KHDC1: variants seen among roughly 807,000 people sequenced by gnomAD.
The protein encoded by KHDC1 is KH domain containing 1.
A neutral mutation model predicts 24.7 loss-of-function variants in KHDC1; 21 were observed. The observed-to-expected ratio is 0.85, with a 90% CI of 0.60 to 1.23. The LOEUF is 1.23. Among genes scored for constraint, KHDC1 ranks in the 50% most tolerant of loss-of-function variants. The probability of loss-of-function intolerance (pLI) is 0.00; values close to 1 mark genes in which losing one functional copy is unlikely to be tolerated. For missense variants in KHDC1, 274 were observed against 298.5 expected, an observed-to-expected ratio of 0.92 and a Z score of 0.61; for synonymous variants, 98 against 111.7, an observed-to-expected ratio of 0.88 and a Z score of 0.77.
At chr6:73,243,949 G>C (rs913884868) in intron 2 of KHDC1, among the ~76,000 whole-genome samples, 1 of 152,092 alleles carries the variant, frequency 6.6e-6, no homozygotes, top group Non-Finnish European at 1.5e-5. Context: ...ATTTTGGACC[G>C]CCTTTTCTAG....
At chr6:73,294,404 CA>C (rs1021931467) in intron 1 of KHDC1, among the ~76,000 whole-genome samples, 1 of 151,968 alleles carries the variant, frequency 6.6e-6, no homozygotes. Context: ...ACATATTTAG[CA>C]CTTGATACAT....
chr6:73,279,479 T>G lies in KHDC1; in HGVS notation c.206+12519A>C, dbSNP rs1582573665. Among the ~76,000 whole-genome samples, 3 of 152,144 alleles carry G rather than the reference T, an allele frequency of 2.0e-5. No individual in the cohort carries two copies. In the East Asian group the frequency reaches 5.8e-4, roughly 29 times the overall value. Reference sequence around the variant, plus strand: ...ATAAATCTCTCTATATGCTCTACAGTATCAAGAAAAGTCTGCGAAAATTGC... The same window carrying G: ...ATAAATCTCTCTATATGCTCTACAGGATCAAGAAAAGTCTGCGAAAATTGC... On this transcript the variant is annotated intron_variant, in intron 2 of 4. Coordinates refer to ENST00000370384, the Ensembl canonical transcript of KHDC1.
chr6:73,290,644 A>G (rs1767632300), intron 2 of KHDC1: 4 of 498,918 alleles, frequency 8.0e-6, no homozygotes, highest in Non-Finnish European at 1.6e-5. Flanking sequence ...CATATCCTGC[A>G]GGAATACTAG....
At chr6:73,266,222 C>G (rs1767077147) in intron 2 of KHDC1, among the ~76,000 whole-genome samples, 1 of 152,126 alleles carries the variant, frequency 6.6e-6, no homozygotes, top group Non-Finnish European at 1.5e-5. Context: ...ATAACAAACT[C>G]TGCAATATGT....
chr6:73,243,037 G>A (rs776678901), intron 2 of KHDC1, among the ~76,000 whole-genome samples: 8 of 152,140 alleles, frequency 5.3e-5, no homozygotes, highest in East Asian at 1.9e-4. Flanking sequence ...GGAGCCAATC[G>A]TAGGAGTTGA....
At chr6:73,303,195 CTA>C (rs1047466751) in intron 1 of KHDC1, among the ~76,000 whole-genome samples, 24 of 151,760 alleles carry the variant, frequency 1.6e-4, no homozygotes, top group African/African-American at 5.8e-4. Context: ...ATGCTTTCAC[CTA>C]TGTGTGGAAT....
chr6:73,253,519 G>C (rs1258307213), intron 2 of KHDC1, among the ~76,000 whole-genome samples: 2 of 151,784 alleles, frequency 1.3e-5, no homozygotes, highest in African/African-American at 2.4e-5. Context: ...CACCACTGCA[G>C]TCCAGCCTGG....
intron 2 of KHDC1, among the ~76,000 whole-genome samples, chr6:73,286,866 G>C (rs1767532407): frequency 7.2e-6 from 1 of 138,026 alleles, no homozygotes; most frequent in Non-Finnish European, 1.5e-5. Flanking sequence ...CCGGGCAACA[G>C]AGTGAGACTC....
At chr6:73,261,787 CT>C (rs1414385828) in intron 2 of KHDC1, among the ~76,000 whole-genome samples, 2 of 151,984 alleles carry the variant, frequency 1.3e-5, no homozygotes, top group African/African-American at 4.8e-5. Flanking sequence ...TGGCAGGCAC[CT>C]GTAATCCCAG....
intron 2 of KHDC1, among the ~76,000 whole-genome samples, chr6:73,282,488 G>A (rs527808881): frequency 2.6e-5 from 4 of 152,180 alleles, no homozygotes; most frequent in Admixed American, 1.3e-4. Flanking sequence ...AGGTTAAAAC[G>A]AAGATGATAA....
At chr6:73,241,457 T>A in exon 5 of KHDC1, 2 of 1,449,462 alleles carry the variant, frequency 1.4e-6, no homozygotes, top group African/African-American at 1.4e-5. Context: ...GTGTCTATCA[T>A]GTCTTTCTCA....
chr6:73,241,994 C>T, intron 4 of KHDC1, 61 bp downstream of exon 3: 3 of 1,530,638 alleles, frequency 2.0e-6, no homozygotes, highest in South Asian at 1.3e-5. Context: ...CAAGATGCTA[C>T]ACAACTTAGC....
At chr6:73,265,042 T>G (rs1767055322) in intron 2 of KHDC1, among the ~76,000 whole-genome samples, 1 of 148,836 alleles carries the variant, frequency 6.7e-6, no homozygotes, top group Non-Finnish European at 1.5e-5. Flanking sequence ...CAGCCCTTAC[T>G]TTTGGTTGGA....
intron 1 of KHDC1, among the ~76,000 whole-genome samples, chr6:73,298,423 A>ATTTTTTTTTTTTTTTTTTTT (rs370446904): frequency 1.7e-5 from 1 of 59,976 alleles, no homozygotes; most frequent in African/African-American, 7.5e-5. Context: ...TACTTTGCAA[A>ATTTTTTTTTTTTTTTTTTTT]TTTTTTTTTT....
rs771621581 is a variant in KHDC1, at chr6:73,242,398, C to G, written c.331+8G>C. ...ATGAAGAAGGGGACGTGGGCAAAGG[C>G]CACTCACCGAAGATGAGCTCCTCCT... On this transcript the variant is annotated splice_region_variant and intron_variant, in intron 3 of 4. Coordinates refer to ENST00000370384, the Ensembl canonical transcript of KHDC1. 140 of 1,613,968 alleles carry G rather than the reference C, an allele frequency of 8.7e-5. No individual in the cohort carries two copies. The highest frequency in any genetic ancestry group is 1.1e-4 in the Non-Finnish European group (134 of 1,179,996).
At chr6:73,287,361 T>C (rs766326746) in intron 2 of KHDC1, among the ~76,000 whole-genome samples, 1 of 152,174 alleles carries the variant, frequency 6.6e-6, no homozygotes, top group Non-Finnish European at 1.5e-5. Flanking sequence ...GCAAGTCAGC[T>C]TCACAGAGGG....
At chr6:73,261,973 G>C (rs1766988557) in intron 2 of KHDC1, among the ~76,000 whole-genome samples, 1 of 151,798 alleles carries the variant, frequency 6.6e-6, no homozygotes, top group Non-Finnish European at 1.5e-5. Context: ...CAGCTACTCA[G>C]GAGGCTGAGG....
At chr6:73,282,858 C>T (rs932406483) in intron 2 of KHDC1, among the ~76,000 whole-genome samples, 2 of 152,176 alleles carry the variant, frequency 1.3e-5, no homozygotes, top group African/African-American at 4.8e-5. Context: ...TCCTTAAAAA[C>T]TCTGATCCCC....
chr6:73,241,716 A>G (rs375224084), exon 5 of KHDC1: 3 of 1,614,062 alleles, frequency 1.9e-6, no homozygotes, highest in Non-Finnish European at 1.7e-6. Context: ...GACACGTTCC[A>G]GCATCTCCAG....
Sources: gnomAD v4.1 joint callset for allele counts (sites outside exome capture counted in the v4.1 genomes callset) on GRCh38, gnomAD v4.1.1 for gene constraint, MANE v1.5 for transcripts, NCBI Gene and HGNC (gene_info 2026-07-23, HGNC 2026-07-21) for gene names.